DCAKD: variants seen among roughly 807,000 people sequenced by gnomAD.
The protein encoded by DCAKD is dephospho-CoA kinase domain-containing protein.
In DCAKD, 15 loss-of-function variants were observed where a neutral mutation model predicts 18.7. The observed-to-expected ratio is 0.80, with a 90% confidence interval of 0.54 to 1.24. The LOEUF is 1.24. Ranked by LOEUF, DCAKD falls within the 50% of genes most tolerant of loss-of-function variation. The probability of loss-of-function intolerance (pLI) is 0.00; values close to 1 mark genes in which losing one functional copy is unlikely to be tolerated. For missense variants in DCAKD, 301 were observed against 322.0 expected (o/e 0.93, Z 0.50); for synonymous variants, 130 against 133.0 (o/e 0.98, Z 0.16).
In DCAKD at chr17:45,049,555, G is replaced by A. The variant is rs116858707; in HGVS notation, c.-115+1806C>T. Among the ~76,000 whole-genome samples the A allele has an allele frequency of 2.9e-3, 435 of 151,734 alleles. 2 individuals carry two copies. Among genetic ancestry groups the A allele is most frequent in the Non-Finnish European group, 4.6e-3 (313 of 67,966 alleles). On this transcript the variant is annotated intron_variant, in intron 1 of 4. Coordinates refer to ENST00000651974, the MANE Select transcript of DCAKD (RefSeq NM_001288655.2). Reference sequence around the variant, plus strand: ...GGTGTATATTTAGACTTCACTGCAGGTTTAAATGAGGATTTTAACAGCTTT... The same window carrying A: ...GGTGTATATTTAGACTTCACTGCAGATTTAAATGAGGATTTTAACAGCTTT...
intron 4 of DCAKD, among the ~76,000 whole-genome samples, chr17:45,027,710 G>A (rs1007289757): frequency 5.3e-5 from 8 of 152,082 alleles, no homozygotes; most frequent in Non-Finnish European, 7.4e-5. Flanking sequence ...AGGAAGGGCC[G>A]GGCGCAGTGG....
chr17:45,024,671 T>C lies in DCAKD; in HGVS notation c.458A>G (p.Lys153Arg). 1 of 1,607,672 alleles carries C rather than the reference T, an allele frequency of 6.2e-7. No homozygotes were observed. Among genetic ancestry groups the C allele is most frequent in the African/African-American group, 1.3e-5 (1 of 74,950 alleles). ...RLMRRNSLNR[K>R]DAEARINAQL... Reference sequence around the variant, plus strand: ...GGCATTGATGCGGGCCTCTGCGTCCTTGCGGTTCAGGCTGTTCCGCCGCAT... The same window carrying C: ...GGCATTGATGCGGGCCTCTGCGTCCCTGCGGTTCAGGCTGTTCCGCCGCAT... Residue 153 changes from lysine (K) to arginine (R), a missense_variant, in exon 5 of 5, where the codon AAG (lysine) becomes AGG (arginine). Physicochemically the swap from Lys to Arg is conservative, Grantham distance 26. Coordinates refer to ENST00000651974, the MANE Select transcript of DCAKD (RefSeq NM_001288655.2).
At chr17:45,029,510 C>A (rs983261937) in intron 4 of DCAKD, among the ~76,000 whole-genome samples, 1 of 152,228 alleles carries the variant, frequency 6.6e-6, no homozygotes. Flanking sequence ...ATTTTCCCCC[C>A]ACAGGTTGAT....
At chr17:45,033,670 G>A (rs2053222001) in intron 3 of DCAKD, among the ~76,000 whole-genome samples, 1 of 152,108 alleles carries the variant, frequency 6.6e-6, no homozygotes, top group Non-Finnish European at 1.5e-5. Flanking sequence ...TCACCATGTT[G>A]GCCAGGCTGG....
At chr17:45,033,529 A>G (rs530920137) in intron 3 of DCAKD, among the ~76,000 whole-genome samples, 51 of 152,128 alleles carry the variant, frequency 3.4e-4, no homozygotes, top group Non-Finnish European at 5.4e-4. Context: ...ATAGGGTGCA[A>G]TCTCGGTTCA....
At position 45,024,588 on chromosome 17, in the gene DCAKD, C is replaced by T. The variant is rs775967807; in HGVS notation, c.541G>A (p.Glu181Lys). The T allele has an allele frequency of 1.7e-5, 27 of 1,614,092 alleles. No individual in the cohort carries two copies. The highest frequency in any genetic ancestry group is 3.3e-4 in the Middle Eastern group (2 of 6,084). ...MARHVLDNSG[E>K]WSVTKRQVIL... ...ACCTGGCGTTTGGTGACACTCCACT[C>T]GCCCGAGTTGTCTAGGACATGGCGG... Residue 181 changes from glutamate (E) to lysine (K), a missense_variant, in exon 5 of 5, where the codon GAG (glutamate) becomes AAG (lysine). Coordinates refer to ENST00000651974, the MANE Select transcript of DCAKD (RefSeq NM_001288655.2).
chr17:45,029,405 T>G (rs768895782), intron 4 of DCAKD, among the ~76,000 whole-genome samples: 7 of 152,218 alleles, frequency 4.6e-5, no homozygotes, highest in Non-Finnish European at 1.0e-4. Flanking sequence ...CCCACCTATG[T>G]GTCTGCTGTA....
At chr17:45,033,951 T>G in intron 3 of DCAKD, 1 of 1,560,160 alleles carries the variant, frequency 6.4e-7, no homozygotes, top group Non-Finnish European at 8.6e-7. Context: ...GGCTCATGGC[T>G]CGAAAGCCTC....
exon 1 of DCAKD, chr17:45,061,071 C>T (rs2053845595): frequency 7.9e-7 from 1 of 1,266,874 alleles, no homozygotes; most frequent in East Asian, 3.7e-5. Flanking sequence ...TCGGTCCCAC[C>T]AACCTTGCGC....
At chr17:45,045,601 G>A (rs1030880958) in intron 1 of DCAKD, among the ~76,000 whole-genome samples, 1 of 151,816 alleles carries the variant, frequency 6.6e-6, no homozygotes, top group Non-Finnish European at 1.5e-5. Context: ...GCGTGGTGGC[G>A]TGTGCCTGTA....
chr17:45,031,060 A>G, intron 3 of DCAKD: 2 of 985,408 alleles, frequency 2.0e-6, no homozygotes, highest in Non-Finnish European at 2.4e-6. Context: ...AAGAAGGGTA[A>G]GAGATAGGAA....
chr17:45,037,392 A>G (rs2053326003), intron 1 of DCAKD, among the ~76,000 whole-genome samples: 1 of 152,198 alleles, frequency 6.6e-6, no homozygotes, highest in African/African-American at 2.4e-5. Flanking sequence ...TGTAAAAACA[A>G]ACAAACAAAA....
chr17:45,057,699 T>C (rs111777888), intron 1 of DCAKD, among the ~76,000 whole-genome samples: 32,193 of 133,062 alleles, frequency 0.24, 4,213 homozygotes, highest in African/African-American at 0.37. Context: ...TGCGACTCCA[T>C]CTCAAAAAAA....
At position 45,024,687 on chromosome 17, in the gene DCAKD, T is replaced by C. The variant is rs1187796447; in HGVS notation, c.442A>G (p.Asn148Asp). 1 of 1,597,356 alleles carries C rather than the reference T, an allele frequency of 6.3e-7. No homozygotes were observed. The highest frequency in any genetic ancestry group is 8.6e-7 in the Non-Finnish European group (1 of 1,167,530). The change falls in exon 5 of 5, where the codon AAC (asparagine) becomes GAC (aspartate). Residue 148 changes from asparagine (N) to aspartate (D), a missense_variant. Physicochemically the swap from Asn to Asp is conservative, Grantham distance 23 (BLOSUM62 1). Transcript: ENST00000651974. ...DTQLARLMRR[N>D]SLNRKDAEAR... ...TCTGCGTCCTTGCGGTTCAGGCTGT[T>C]CCGCCGCATCAGCCGTGCCAGCTGT...
rs1032849522 is a variant in DCAKD, at chr17:45,034,269, G to A, written c.234C>T (p.Asp78=). 6.2e-7 allele frequency: 1 copy of A among 1,614,062 alleles called. No individual in the cohort carries two copies. Among genetic ancestry groups the A allele is most frequent in the Admixed American group, 1.7e-5 (1 of 60,004 alleles). Residue 78 remains aspartate (D), a synonymous_variant, in exon 3 of 5, where the codon GAC becomes GAT. Coordinates refer to ENST00000651974, the MANE Select transcript of DCAKD (RefSeq NM_001288655.2). ...VLGDLIFNQP[D]RRQLLNAITH... is the part of the protein sequence containing the mutation. The stretch of plus-strand genomic sequence containing the variant: ...TGATGGCGTTGAGCAGCTGCCGCCG[G>A]TCAGGCTGGTTAAAGATCAGGTCCC...
chr17:45,032,146 G>C (rs2053182611), intron 3 of DCAKD: 1 of 985,162 alleles, frequency 1.0e-6, no homozygotes, highest in Non-Finnish European at 1.2e-6. Flanking sequence ...AATGCAGAAA[G>C]GGCAGGAATG....
chr17:45,058,505 C>T (rs1199837240), intron 1 of DCAKD, among the ~76,000 whole-genome samples: 1 of 151,840 alleles, frequency 6.6e-6, no homozygotes, highest in Non-Finnish European at 1.5e-5. Flanking sequence ...CTGCAACCTC[C>T]GCCTCCCAGG....
chr17:45,029,223 C>T (rs1463358802), intron 4 of DCAKD, among the ~76,000 whole-genome samples: 1 of 152,176 alleles, frequency 6.6e-6, no homozygotes, highest in African/African-American at 2.4e-5. Flanking sequence ...GCATTGGGCT[C>T]AAGGGATTCA....
intron 1 of DCAKD, among the ~76,000 whole-genome samples, chr17:45,043,072 G>GGTTGGGATTAGCTCTGTCCCTT (rs1178218260): frequency 6.6e-6 from 1 of 152,180 alleles, no homozygotes; most frequent in Non-Finnish European, 1.5e-5. Flanking sequence ...AAGGGACCTT[G>GGTTGGGATTAGCTCTGTCCCTT]GTTGGGATTA....
Sources: allele counts gnomAD v4.1 joint callset (sites outside exome capture counted in the v4.1 genomes callset), GRCh38; gene constraint gnomAD v4.1.1; transcripts MANE v1.5; gene names NCBI Gene and HGNC (gene_info 2026-07-23, HGNC 2026-07-21).